The following BANK1 variants were observed in gnomAD, a reference collection of about 807,000 sequenced individuals.
BANK1 encodes B-cell scaffold protein with ankyrin repeats.
Under a neutral mutation model 94.5 loss-of-function variants are expected in BANK1, and 95 were observed. The observed-to-expected ratio is 1.00, with a 90% confidence interval of 0.85 to 1.19. The LOEUF (loss-of-function observed/expected upper bound fraction) is 1.19, where lower values mean the gene tolerates loss of function less well. Among genes scored for constraint, BANK1 ranks in the 50% most tolerant of loss-of-function variants. The pLI, the probability that BANK1 is intolerant of heterozygous loss-of-function variation, is 0.00. For synonymous variants in BANK1, 334 were observed against 308.4 expected (o/e 1.08, Z -0.87); for missense variants, 987 against 932.2 (o/e 1.06, Z -0.77).
intron 5 of BANK1, among the ~76,000 whole-genome samples, chr4:101,887,411 A>C (rs1373914544): frequency 6.6e-6 from 1 of 152,216 alleles, no homozygotes; most frequent in Non-Finnish European, 1.5e-5. Flanking sequence ...TTATTGCTAG[A>C]CTTACATGCT....
At chr4:101,946,227 T>A (rs924167847) in intron 7 of BANK1, among the ~76,000 whole-genome samples, 1 of 151,946 alleles carries the variant, frequency 6.6e-6, no homozygotes, top group Non-Finnish European at 1.5e-5. Flanking sequence ...TGTTATGCGA[T>A]GAGATAATAT....
intron 7 of BANK1, among the ~76,000 whole-genome samples, chr4:101,990,705 T>A (rs765323410): frequency 2.0e-5 from 3 of 152,336 alleles, no homozygotes; most frequent in Admixed American, 6.5e-5. Flanking sequence ...AAACTGCTGT[T>A]ATACCTCTAT....
At chr4:102,014,647 G>A (rs1054022644) in intron 7 of BANK1, among the ~76,000 whole-genome samples, 2 of 152,088 alleles carry the variant, frequency 1.3e-5, no homozygotes, top group Admixed American at 6.6e-5. Flanking sequence ...CATCCTGGGA[G>A]TATTTCACAT....
intron 7 of BANK1, among the ~76,000 whole-genome samples, chr4:101,947,462 C>T (rs1377763735): frequency 2.0e-5 from 3 of 151,122 alleles, no homozygotes; most frequent in East Asian, 2.0e-4. Flanking sequence ...CTGAAGAATA[C>T]ATCATTTAAT....
Position 102,029,702 on chromosome 4 carries a change from T to C in BANK1, c.1595-258T>C, listed in dbSNP as rs371522484. On this transcript the variant is annotated intron_variant, in intron 9 of 16. Transcript: ENST00000322953. ...TCCATGTCTTAAGCACATGGATTTT[T>C]TTACTACACGTATTTGTCTTAATAC... 3.9e-5 allele frequency among the ~76,000 whole-genome samples: 6 copies of C among 151,982 alleles called. No individual in the cohort carries two copies. In the East Asian group the frequency reaches 1.2e-3, roughly 29 times the overall value.
intron 2 of BANK1, among the ~76,000 whole-genome samples, chr4:101,844,770 G>C (rs888578635): frequency 6.6e-6 from 1 of 152,106 alleles, no homozygotes; most frequent in African/African-American, 2.4e-5. Flanking sequence ...TCTACATAGG[G>C]CATTTGAGAC....
intron 7 of BANK1, among the ~76,000 whole-genome samples, chr4:101,999,635 T>C (rs1458128687): frequency 6.6e-6 from 1 of 152,202 alleles, no homozygotes; most frequent in Non-Finnish European, 1.5e-5. Context: ...TGACATTGTT[T>C]GAACTTTTAA....
chr4:101,828,047 T>G (rs891953001), intron 1 of BANK1, among the ~76,000 whole-genome samples: 1 of 151,866 alleles, frequency 6.6e-6, no homozygotes, highest in African/African-American at 2.4e-5. Flanking sequence ...TTATTATAAC[T>G]ATAAACACAT....
At chr4:101,965,680 A>G (rs1277381411) in intron 7 of BANK1, among the ~76,000 whole-genome samples, 1 of 152,078 alleles carries the variant, frequency 6.6e-6, no homozygotes, top group African/African-American at 2.4e-5. Flanking sequence ...ATACCATAGT[A>G]TTGTGGAACT....
At chr4:101,911,680 T>A (rs569212956) in intron 6 of BANK1, among the ~76,000 whole-genome samples, 1 of 152,320 alleles carries the variant, frequency 6.6e-6, no homozygotes, top group Non-Finnish European at 1.5e-5. Flanking sequence ...CCAAATAAAA[T>A]GATTCTTGTT....
Position 101,867,959 on chromosome 4 carries a change from C to A in BANK1, c.764-2546C>A, listed in dbSNP as rs12331693. 6.4e-3 allele frequency among the ~76,000 whole-genome samples: 962 copies of A among 151,412 alleles called. 11 individuals are homozygous for A. Among genetic ancestry groups the A allele is most frequent in the African/African-American group, 0.021 (889 of 41,420 alleles). ...TATAACCCAACCACGTTAGTGAAGC[C>A]AAGTAAGAACTACTTAAGTTTAGTG... On this transcript the variant is annotated intron_variant, in intron 4 of 16. Transcript: ENST00000322953.
At chr4:101,991,071 A>G (rs1725690347) in intron 7 of BANK1, among the ~76,000 whole-genome samples, 1 of 152,208 alleles carries the variant, frequency 6.6e-6, no homozygotes, top group Non-Finnish European at 1.5e-5. Context: ...CATTAGTTAA[A>G]AAGTATTATC....
intron 7 of BANK1, among the ~76,000 whole-genome samples, chr4:101,983,159 T>C (rs1020178527): frequency 5.3e-5 from 8 of 152,124 alleles, no homozygotes; most frequent in African/African-American, 1.9e-4. Context: ...TTTAAAATTT[T>C]CTGTATGTGA....
At chr4:101,874,615 G>A (rs1728417981) in intron 5 of BANK1, among the ~76,000 whole-genome samples, 1 of 152,280 alleles carries the variant, frequency 6.6e-6, no homozygotes, top group South Asian at 2.1e-4. Context: ...GGATAAGAAG[G>A]TTCAAACTTC....
chr4:101,887,072 C>T (rs1475462547), intron 5 of BANK1, among the ~76,000 whole-genome samples: 1 of 152,154 alleles, frequency 6.6e-6, no homozygotes, highest in African/African-American at 2.4e-5. Context: ...TGAGCATGTC[C>T]TTAAAAGATG....
intron 6 of BANK1, among the ~76,000 whole-genome samples, chr4:101,900,276 A>G (rs1722232243): frequency 6.6e-6 from 1 of 152,226 alleles, no homozygotes; most frequent in Non-Finnish European, 1.5e-5. Flanking sequence ...GTAATAAAAC[A>G]GTAGCAACAA....
chr4:101,992,525 G>A (rs1208330957), intron 7 of BANK1, among the ~76,000 whole-genome samples: 1 of 152,068 alleles, frequency 6.6e-6, no homozygotes, highest in Non-Finnish European at 1.5e-5. Flanking sequence ...AGCGTGATGT[G>A]TGCAGCAGTT....
intron 11 of BANK1, among the ~76,000 whole-genome samples, chr4:102,047,219 A>G (rs1727906240): frequency 6.6e-6 from 1 of 152,190 alleles, no homozygotes; most frequent in Non-Finnish European, 1.5e-5. Flanking sequence ...ATCCTCACCC[A>G]TCACTTCAAG....
At chr4:101,972,144 T>C (rs1389229538) in intron 7 of BANK1, among the ~76,000 whole-genome samples, 1 of 152,102 alleles carries the variant, frequency 6.6e-6, no homozygotes, top group Non-Finnish European at 1.5e-5. Flanking sequence ...TTTGTCTTCC[T>C]CAGTTGTTTT....
Sources: gnomAD v4.1 joint callset for allele counts (sites outside exome capture counted in the v4.1 genomes callset) on GRCh38, gnomAD v4.1.1 for gene constraint, MANE v1.5 for transcripts, NCBI Gene and HGNC (gene_info 2026-07-23, HGNC 2026-07-21) for gene names.